The following ECE1 variants were observed in gnomAD, a reference collection of about 807,000 sequenced individuals.
ECE1 encodes endothelin-converting enzyme 1.
In ECE1, 35 loss-of-function variants were observed where a neutral mutation model predicts 98.6. The ratio of observed to expected loss-of-function variants is 0.35; its 90% CI spans 0.27 to 0.47. The LOEUF is 0.47. Among genes scored for constraint, ECE1 ranks in the 20% least tolerant of loss-of-function variants. The probability of loss-of-function intolerance (pLI) is 1.00; values close to 1 mark genes in which losing one functional copy is unlikely to be tolerated. For missense variants in ECE1, 814 were observed against 1,025.3 expected, an observed-to-expected ratio of 0.79 and a Z score of 2.81; for synonymous variants, 394 against 407.1, an observed-to-expected ratio of 0.97 and a Z score of 0.39.
chr1:21,261,490 C>A (rs4654739), intron 4 of ECE1, among the ~76,000 whole-genome samples: 4 of 152,026 alleles, frequency 2.6e-5, no homozygotes, highest in Non-Finnish European at 5.9e-5. Flanking sequence ...TGTTAAAATC[C>A]TACTCAACCT....
intron 15 of ECE1, 137 bp from the exon 16 acceptor site, chr1:21,227,363 G>T: frequency 1.1e-6 from 1 of 891,808 alleles, no homozygotes; most frequent in Non-Finnish European, 1.8e-6. Flanking sequence ...TAAGGGTGTG[G>T]TCATGGCCTG....
rs368124166 is a variant in ECE1 at position 21,256,065 on chromosome 1, C to T, written c.902G>A (p.Arg301Gln). 6.2e-6 allele frequency: 10 copies of T among 1,611,454 alleles called. No individual in the cohort carries two copies. The African/African-American group carries it at 6.7e-5, about 11-fold the overall frequency. The change falls in exon 8 of 19, where the codon CGG becomes CAG. Residue 301 changes from arginine to glutamine, a missense_variant. Arg to Gln is a conservative substitution (Grantham distance 43). Coordinates refer to ENST00000374893, the MANE Select transcript of ECE1 (RefSeq NM_001397.3). ...GTCCAAGATCTGCTGCATCTGGGGC[C>T]GGATGGCCTCCTCGTCCCCGCCGCC... ...LLGGGDEEAI[R>Q]PQMQQILDFE...
At chr1:21,331,854 T>G (rs116799286) in intron 1 of ECE1, among the ~76,000 whole-genome samples, 1,704 of 152,196 alleles carry the variant, frequency 0.011, 27 homozygotes, top group Non-Finnish European at 0.012. Context: ...CTAAGACTAG[T>G]AAAACACCGC....
chr1:21,290,689 T>A (rs1275608243), upstream of ECE1, among the ~76,000 whole-genome samples: 1 of 152,012 alleles, frequency 6.6e-6, no homozygotes, highest in African/African-American at 2.4e-5. This position sits in a 1 kb window ranked among gnomAD's most constrained non-coding sequence, Gnocchi z 7.3. Flanking sequence ...AAATCTTAAG[T>A]CCCCCTTCAA....
chr1:21,320,041 T>G (rs902272595), intron 1 of ECE1, among the ~76,000 whole-genome samples: 6 of 152,250 alleles, frequency 3.9e-5, no homozygotes, highest in African/African-American at 1.4e-4. Context: ...CAAAGGTGCA[T>G]GCATAAATCT....
At chr1:21,344,361 G>A (rs575085698) in intron 1 of ECE1, among the ~76,000 whole-genome samples, 1 of 152,328 alleles carries the variant, frequency 6.6e-6, no homozygotes, top group South Asian at 2.1e-4. Flanking sequence ...CCAGGCACAT[G>A]CCCTCCTCAG....
In ECE1 at chr1:21,322,734, G is replaced by A. The variant is rs1227826099; in HGVS notation, c.3+22642C>T. On this transcript the variant is annotated intron_variant, in intron 1 of 18. Coordinates refer to the ECE1 transcript ENST00000415912. This position sits in a 1 kb window ranked among gnomAD's most constrained non-coding sequence, Gnocchi z 4.1. ...CACAGGAAAGGGGGCAGACAGACAAGGGCCTCTTGTCAGGAAGGACAAGAG... is the reference window on the plus strand; with the variant it reads ...CACAGGAAAGGGGGCAGACAGACAAAGGCCTCTTGTCAGGAAGGACAAGAG... Among the ~76,000 whole-genome samples, 1 of 152,204 alleles carries A rather than the reference G, an allele frequency of 6.6e-6. No individual in the cohort carries two copies. The highest frequency in any genetic ancestry group is 1.5e-5 in the Non-Finnish European group (1 of 68,044).
chr1:21,244,945 T>C, intron 10 of ECE1, 44 bp downstream of exon 10: 1 of 1,576,200 alleles, frequency 6.3e-7, no homozygotes, highest in African/African-American at 1.3e-5. Context: ...TGGCATAAAG[T>C]AGGCGCTCAG....
intron 14 of ECE1, among the ~76,000 whole-genome samples, chr1:21,230,538 C>T (rs2098180478): frequency 2.0e-5 from 3 of 152,150 alleles, no homozygotes; most frequent in Admixed American, 2.0e-4. Flanking sequence ...AAGCACCCGC[C>T]ACCACGTCTG....
At chr1:21,227,266 A>C (rs1323186905) in intron 15 of ECE1, 40 bp from the exon 16 acceptor site, 8 of 1,592,508 alleles carry the variant, frequency 5.0e-6, no homozygotes, top group Middle Eastern at 1.7e-4. Flanking sequence ...ATGCTTTGAG[A>C]GGAGGGCCTC....
chr1:21,345,244 C>T lies in ECE1; in HGVS notation c.3+132G>A. On this transcript the variant is annotated intron_variant, in intron 1 of 18. Transcript: ENST00000415912. This position sits in a 1 kb window ranked among gnomAD's most constrained non-coding sequence, Gnocchi z 5.1. ...GACTCCACGCCTTCCGAGAGCCGGG[C>T]GGGGGCTGCTGCTGCAGCCGGCGCC... is the stretch of plus-strand genomic sequence containing the variant. 1 of 1,139,806 alleles carries T rather than the reference C, an allele frequency of 8.8e-7. No individual in the cohort carries two copies. The highest frequency in any genetic ancestry group is 3.9e-5 in the South Asian group (1 of 25,558). The allele number at this position is 1,139,806 out of a possible 1,614,324, so 70.6% of individuals were successfully genotyped here.
chr1:21,291,945 C>G (rs532921481), upstream of ECE1, among the ~76,000 whole-genome samples: 2 of 150,464 alleles, frequency 1.3e-5, no homozygotes, highest in Non-Finnish European at 2.9e-5. Context: ...CTGGGCAACA[C>G]GGACCCCATC....
chr1:21,344,202 C>T (rs1639453661), intron 1 of ECE1, among the ~76,000 whole-genome samples: 1 of 152,184 alleles, frequency 6.6e-6, no homozygotes, highest in Admixed American at 6.5e-5. Context: ...GGGACTCCAG[C>T]TCTGGGCACA....
At chr1:21,274,717 G>A (rs2098244453) in intron 3 of ECE1, among the ~76,000 whole-genome samples, 3 of 152,158 alleles carry the variant, frequency 2.0e-5, no homozygotes, top group Admixed American at 2.0e-4. Flanking sequence ...TCCTTCAGAT[G>A]GGTGGCTGAC....
intron 1 of ECE1, among the ~76,000 whole-genome samples, chr1:21,312,967 T>C (rs1638760883): frequency 6.6e-6 from 1 of 152,186 alleles, no homozygotes; most frequent in Non-Finnish European, 1.5e-5. Context: ...ACTATCATTG[T>C]CTCTCATTTT....
intron 2 of ECE1, 25 bp from the exon 3 acceptor site, chr1:21,279,357 C>CG (rs1260612967): frequency 1.2e-6 from 2 of 1,613,936 alleles, no homozygotes; most frequent in Non-Finnish European, 1.7e-6. Flanking sequence ...GCAGGAGGGG[C>CG]GGGGAAGACG....
chr1:21,278,679 G>C (rs551281097), intron 3 of ECE1, among the ~76,000 whole-genome samples: 1 of 152,282 alleles, frequency 6.6e-6, no homozygotes, highest in South Asian at 2.1e-4. Flanking sequence ...TGTGGTATTT[G>C]GGTATTTGGT....
chr1:21,328,704 A>G (rs1385023621), intron 1 of ECE1, among the ~76,000 whole-genome samples: 1 of 144,024 alleles, frequency 6.9e-6, no homozygotes, highest in African/African-American at 2.6e-5. Flanking sequence ...TGGAGGTTGC[A>G]GTGAGTTGAG....
In ECE1 at chr1:21,238,135, A is replaced by G. The variant is rs766077559; in HGVS notation, c.1388T>C (p.Ile463Thr). ...TGTGTCCACGGGGAAGGCACTTACT[A>G]TGCTCTTGCTGTCCTCGGCGAAGGT... ...KATFAEDSKS[I>T]ATEIILEIKK... is the part of the protein sequence containing the mutation. Residue 463 changes from isoleucine (I) to threonine (T), a missense_variant and splice_region_variant, in exon 11 of 19, where the codon ATA (isoleucine) becomes ACA (threonine). Around this residue, in one of 3 missense-constraint regions of ECE1, gnomAD observed 452 missense variants for 567.3 expected, o/e 0.80. Transcript: ENST00000374893. 6 of 1,614,098 alleles carry G rather than the reference A, an allele frequency of 3.7e-6. No homozygotes were observed. The highest frequency in any genetic ancestry group is 3.3e-5 in the Admixed American group (2 of 60,018).
Sources: allele counts gnomAD v4.1 joint callset (sites outside exome capture counted in the v4.1 genomes callset), GRCh38; gene constraint gnomAD v4.1.1; regional missense constraint gnomAD v4.1.1; non-coding constraint Gnocchi (gnomAD v3.1); transcripts MANE v1.5; gene names NCBI Gene and HGNC (gene_info 2026-07-23, HGNC 2026-07-21).